Variants in PRTFDC1 observed in about 807,000 individuals in gnomAD.
The protein encoded by PRTFDC1 is phosphoribosyltransferase domain-containing protein 1.
PRTFDC1 carries 38 observed loss-of-function variants against 34.6 expected under a neutral mutation model. The ratio of observed to expected loss-of-function variants is 1.10; its 90% CI spans 0.85 to 1.44. The LOEUF is 1.44. Among genes scored for constraint, PRTFDC1 ranks in the 40% most tolerant of loss-of-function variants. The pLI, the probability that PRTFDC1 is intolerant of heterozygous loss-of-function variation, is 0.00. For missense variants in PRTFDC1, 270 were observed against 283.0 expected (o/e 0.95, Z 0.33); for synonymous variants, 93 against 98.1 (o/e 0.95, Z 0.31).
chr10:24,925,338 CGGAGGGA>C (rs1848853357), intron 3 of PRTFDC1, among the ~76,000 whole-genome samples: 1 of 151,730 alleles, frequency 6.6e-6, no homozygotes, highest in Non-Finnish European at 1.5e-5. Flanking sequence ...CGGGGGCTGG[CGGAGGGA>C]TAGCATTAGG....
chr10:24,948,592 C>T (rs1849288405), intron 1 of PRTFDC1, among the ~76,000 whole-genome samples: 1 of 152,218 alleles, frequency 6.6e-6, no homozygotes, highest in Admixed American at 6.5e-5. Flanking sequence ...ATATTCCCTT[C>T]TCTTGCACAA....
chr10:24,942,275 C>T (rs1002043527), intron 2 of PRTFDC1, 55 bp downstream of exon 2: 5 of 1,415,578 alleles, frequency 3.5e-6, no homozygotes, highest in Non-Finnish European at 4.0e-6. Flanking sequence ...GGGATTCACA[C>T]AAGTGTGGGC....
rs768809622 is a variant in PRTFDC1 at position 24,937,195 on chromosome 10, T to G, written c.328A>C (p.Lys110Gln). 1 of 1,612,656 alleles carries G rather than the reference T, an allele frequency of 6.2e-7. No individual in the cohort carries two copies. Among genetic ancestry groups the G allele is most frequent in the South Asian group, 1.1e-5 (1 of 90,760 alleles). The change falls in exon 3 of 9, where the codon AAA (lysine) becomes CAA (glutamine). Residue 110 changes from lysine (K) to glutamine (Q), a missense_variant. Coordinates refer to ENST00000320152, the MANE Select transcript of PRTFDC1 (RefSeq NM_020200.7). ...VSMKVDFIRL[K>Q]SYRNDQSMGE... The stretch of plus-strand genomic sequence containing the variant: ...TTGTAATAACTTACCCTGTAACTTT[T>G]TAGTCTGATGAAATCAACCTTCATT...
chr10:24,909,055 G>C (rs1446515518), intron 3 of PRTFDC1, among the ~76,000 whole-genome samples: 1 of 152,164 alleles, frequency 6.6e-6, no homozygotes, highest in Non-Finnish European at 1.5e-5. Flanking sequence ...AGCATTTTGG[G>C]AGATTGATTG....
chr10:24,888,115 C>T (rs1848200682), intron 3 of PRTFDC1, among the ~76,000 whole-genome samples: 1 of 152,208 alleles, frequency 6.6e-6, no homozygotes, highest in African/African-American at 2.4e-5. Context: ...TCAAGTGGTC[C>T]TCATGCCTTG....
chr10:24,859,706 G>A (rs1026584389), intron 4 of PRTFDC1, among the ~76,000 whole-genome samples: 6 of 152,108 alleles, frequency 3.9e-5, no homozygotes, highest in Non-Finnish European at 8.8e-5. Flanking sequence ...TGTGAGGAAG[G>A]ACTAATACAC....
chr10:24,901,682 T>C (rs1848452321), intron 3 of PRTFDC1, among the ~76,000 whole-genome samples: 1 of 152,134 alleles, frequency 6.6e-6, no homozygotes, highest in South Asian at 2.1e-4. Flanking sequence ...TGAGCTGTGA[T>C]TTCGCCACTG....
chr10:24,933,584 G>A (rs1305639593), intron 3 of PRTFDC1, among the ~76,000 whole-genome samples: 9 of 151,710 alleles, frequency 5.9e-5, no homozygotes, highest in Admixed American at 5.9e-4. Flanking sequence ...AAAAAAATAA[G>A]GAAAAACTGA....
chr10:24,913,458 C>T (rs1848656041), intron 3 of PRTFDC1, among the ~76,000 whole-genome samples: 1 of 152,198 alleles, frequency 6.6e-6, no homozygotes, highest in South Asian at 2.1e-4. Flanking sequence ...ACTGTAATTC[C>T]TAACACTGTA....
At chr10:24,924,930 G>C (rs539963936) in intron 3 of PRTFDC1, among the ~76,000 whole-genome samples, 1 of 152,276 alleles carries the variant, frequency 6.6e-6, no homozygotes, top group East Asian at 1.9e-4. Flanking sequence ...CAAGGATCTA[G>C]AACTAGAAAT....
Position 24,849,641 on chromosome 10 carries a change from T to C in PRTFDC1, c.*203A>G. ...AGTGTTTAATTTGGAACAAGTCAAA[T>C]AAAAGCACTGCTTTCTTTTCCTTAG... is the stretch of plus-strand genomic sequence containing the variant. On this transcript the variant is annotated 3_prime_UTR_variant, in exon 9 of 9. Coordinates refer to ENST00000320152, the MANE Select transcript of PRTFDC1 (RefSeq NM_020200.7). 1.9e-6 allele frequency: 1 copy of C among 531,178 alleles called. No individual in the cohort carries two copies. Among genetic ancestry groups the C allele is most frequent in the Non-Finnish European group, 3.4e-6 (1 of 298,382 alleles). 32.9% of individuals were successfully genotyped at this position (531,178 alleles called of 1,614,324 possible). A position where few individuals can be genotyped will look rare whatever the true frequency, so the allele number is the denominator to read the frequency against.
intron 3 of PRTFDC1, among the ~76,000 whole-genome samples, chr10:24,872,778 G>GTC (rs1247063582): frequency 2.2e-5 from 2 of 90,002 alleles, no homozygotes; most frequent in Non-Finnish European, 4.6e-5. Context: ...ATATATATAT[G>GTC]TGTGTGTGTG....
chr10:24,929,160 T>C (rs1349249886), intron 3 of PRTFDC1, among the ~76,000 whole-genome samples: 3 of 151,486 alleles, frequency 2.0e-5, no homozygotes, highest in African/African-American at 7.3e-5. Flanking sequence ...GACTACTCAC[T>C]AAAACTAAAG....
intron 3 of PRTFDC1, among the ~76,000 whole-genome samples, chr10:24,936,979 T>C (rs1469543741): frequency 6.6e-6 from 1 of 152,178 alleles, no homozygotes; most frequent in African/African-American, 2.4e-5. Flanking sequence ...TATGTGAAAA[T>C]AGAGAGAAGG....
intron 3 of PRTFDC1, among the ~76,000 whole-genome samples, chr10:24,905,229 C>T (rs755672010): frequency 1.3e-5 from 2 of 151,502 alleles, no homozygotes; most frequent in East Asian, 3.9e-4. Flanking sequence ...GGGCGGATTG[C>T]TTGAGCCTGG....
At chr10:24,888,888 A>T (rs943687973) in intron 3 of PRTFDC1, among the ~76,000 whole-genome samples, 4 of 152,204 alleles carry the variant, frequency 2.6e-5, no homozygotes, top group African/African-American at 9.6e-5. Flanking sequence ...AATTATTATG[A>T]TCAGCTGGAA....
chr10:24,951,854 C>G (rs1849350333), intron 1 of PRTFDC1, among the ~76,000 whole-genome samples: 1 of 152,116 alleles, frequency 6.6e-6, no homozygotes, highest in Non-Finnish European at 1.5e-5. Context: ...CACCCCACAC[C>G]CTCCCATCCG....
chr10:24,904,865 G>A (rs954057076), intron 3 of PRTFDC1, among the ~76,000 whole-genome samples: 1 of 152,168 alleles, frequency 6.6e-6, no homozygotes, highest in South Asian at 2.1e-4. Flanking sequence ...CCCTTCCATA[G>A]TGTCAATTTC....
chr10:24,908,578 G>C, intron 3 of PRTFDC1: 1 of 1,612,876 alleles, frequency 6.2e-7, no homozygotes, highest in South Asian at 1.1e-5. Flanking sequence ...AACCTCTCCA[G>C]AGGGTATTTG....
Sources: gnomAD v4.1 joint callset for allele counts (sites outside exome capture counted in the v4.1 genomes callset) on GRCh38, gnomAD v4.1.1 for gene constraint, MANE v1.5 for transcripts, NCBI Gene and HGNC (gene_info 2026-07-23, HGNC 2026-07-21) for gene names.